The following DLGAP1 variants were observed in gnomAD, a reference collection of about 807,000 sequenced individuals.
DLGAP1 encodes the protein disks large-associated protein 1.
In DLGAP1, 11 loss-of-function variants were observed where a neutral mutation model predicts 90.8. That is an observed-to-expected ratio of 0.12 (90% CI 0.08 to 0.20). The LOEUF is 0.20. Among genes scored for constraint, DLGAP1 ranks in the 10% least tolerant of loss-of-function variants. DLGAP1 has a pLI of 1.00. For missense variants in DLGAP1, 1,050 were observed against 1,333.8 expected (o/e 0.79, Z 3.31); for synonymous variants, 558 against 540.7 (o/e 1.03, Z -0.44).
intron 7 of DLGAP1, among the ~76,000 whole-genome samples, chr18:3,637,574 CAAAAAAAA>C (rs35620201): frequency 2.1e-5 from 2 of 94,956 alleles, no homozygotes; most frequent in Admixed American, 2.4e-4. Flanking sequence ...TCTCCCCCAC[CAAAAAAAA>C]AAAAAAAAAA....
At chr18:4,264,425 T>A (rs147165045) in intron 1 of DLGAP1, among the ~76,000 whole-genome samples, 208 of 152,354 alleles carry the variant, frequency 1.4e-3, no homozygotes, top group Admixed American at 3.3e-3. Context: ...TTTCTCTTAA[T>A]CCTTGATGAT....
chr18:3,979,036 T>C (rs191070883), intron 3 of DLGAP1, among the ~76,000 whole-genome samples: 1 of 152,252 alleles, frequency 6.6e-6, no homozygotes, highest in East Asian at 1.9e-4. Flanking sequence ...ATATAAACAA[T>C]GGAACACTAC....
At chr18:4,060,428 C>A (rs920051089) in intron 2 of DLGAP1, among the ~76,000 whole-genome samples, 5 of 152,180 alleles carry the variant, frequency 3.3e-5, no homozygotes, top group African/African-American at 1.2e-4. Context: ...ATTCATCTTT[C>A]TCTCTGATAG....
rs530547295 is a variant in DLGAP1 at position 3,700,546 on chromosome 18, C to T, written c.1591+28589G>A. ...TCTGTGTTGATCTCACTGGGAGCTGCAGACTGGAGCTGTTCCTATTCAGCC... is the reference window on the plus strand; with the variant it reads ...TCTGTGTTGATCTCACTGGGAGCTGTAGACTGGAGCTGTTCCTATTCAGCC... On this transcript the variant is annotated intron_variant, in intron 7 of 12. Coordinates refer to ENST00000315677, the MANE Select transcript of DLGAP1 (RefSeq NM_004746.4). 3.0e-4 allele frequency among the ~76,000 whole-genome samples: 45 copies of T among 151,782 alleles called. No individual in the cohort carries two copies. The South Asian group carries it at 9.0e-3, about 30-fold the overall frequency.
chr18:4,044,917 T>A (rs1006641311), intron 2 of DLGAP1, among the ~76,000 whole-genome samples: 1 of 152,112 alleles, frequency 6.6e-6, no homozygotes, highest in Non-Finnish European at 1.5e-5. Context: ...CTTGTTGAAT[T>A]TTTTCATTCT....
intron 3 of DLGAP1, among the ~76,000 whole-genome samples, chr18:3,919,901 T>C (rs576672889): frequency 6.6e-6 from 1 of 152,256 alleles, no homozygotes; most frequent in Admixed American, 6.5e-5. Flanking sequence ...AGTGAACACA[T>C]AGCACTGTGA....
At chr18:4,299,104 A>AAAAAAAAAAAC (rs1555779074) in intron 1 of DLGAP1, among the ~76,000 whole-genome samples, 1 of 131,752 alleles carries the variant, frequency 7.6e-6, no homozygotes. Context: ...AAAAAAAAAA[A>AAAAAAAAAAAC]AAAAAATAGA....
At chr18:3,529,283 C>T (rs1356709402) in intron 10 of DLGAP1, among the ~76,000 whole-genome samples, 2 of 152,162 alleles carry the variant, frequency 1.3e-5, no homozygotes, top group Non-Finnish European at 2.9e-5. Context: ...CGTGAGGCTG[C>T]AGCAAGAAGG....
intron 7 of DLGAP1, among the ~76,000 whole-genome samples, chr18:3,601,078 A>G (rs1335523067): frequency 3.4e-5 from 5 of 149,160 alleles, no homozygotes; most frequent in African/African-American, 1.2e-4. Context: ...AGATATATAG[A>G]TAGATATATA....
chr18:4,359,711 G>A (rs139587645), intron 1 of DLGAP1, among the ~76,000 whole-genome samples: 1 of 152,280 alleles, frequency 6.6e-6, no homozygotes, highest in East Asian at 1.9e-4. Flanking sequence ...TAGATACGAT[G>A]GTGCCTTGGA....
chr18:4,195,687 G>A (rs1042000498), intron 1 of DLGAP1, among the ~76,000 whole-genome samples: 2 of 152,038 alleles, frequency 1.3e-5, no homozygotes, highest in Non-Finnish European at 2.9e-5. Context: ...GAGTAGCTGG[G>A]ATTACAGACA....
At chr18:4,339,921 A>C (rs1332359023) in intron 1 of DLGAP1, among the ~76,000 whole-genome samples, 1 of 152,170 alleles carries the variant, frequency 6.6e-6, no homozygotes, top group African/African-American at 2.4e-5. Context: ...AATTCTTTAA[A>C]CTACAAGATT....
intron 1 of DLGAP1, among the ~76,000 whole-genome samples, chr18:4,427,173 GGAGCA>G (rs1409587531): frequency 6.6e-6 from 1 of 152,194 alleles, no homozygotes; most frequent in Non-Finnish European, 1.5e-5. Flanking sequence ...TTAACCAAAT[GGAGCA>G]GAGAGACTGT....
chr18:4,385,262 T>C (rs2082207405), intron 1 of DLGAP1, among the ~76,000 whole-genome samples: 2 of 152,132 alleles, frequency 1.3e-5, no homozygotes, highest in South Asian at 4.1e-4. Context: ...ATATAGATTT[T>C]GAATAAAGAA....
chr18:3,589,566 T>C (rs922945269), intron 7 of DLGAP1, among the ~76,000 whole-genome samples: 1 of 152,122 alleles, frequency 6.6e-6, no homozygotes, highest in Non-Finnish European at 1.5e-5. Flanking sequence ...TAAACTTATA[T>C]ATAAATTAAA....
chr18:3,660,754 C>T lies in DLGAP1; in HGVS notation c.1591+68381G>A, dbSNP rs953505632. 7.2e-5 allele frequency among the ~76,000 whole-genome samples: 11 copies of T among 152,170 alleles called. No individual in the cohort carries two copies. Among genetic ancestry groups the T allele is most frequent in the Non-Finnish European group, 1.5e-5 (1 of 68,042 alleles). On this transcript the variant is annotated intron_variant, in intron 7 of 12. Coordinates refer to ENST00000315677, the MANE Select transcript of DLGAP1 (RefSeq NM_004746.4). The surrounding 1 kb of genome is among the most constrained non-coding windows in gnomAD (Gnocchi z 4.2). ...AGGTGTTTTAGGGTTCCAATATTGG[C>T]AAGGTATCTGACAAGTAAGTTTATT... is the stretch of plus-strand genomic sequence containing the variant.
chr18:3,572,136 T>A (rs376016089), intron 8 of DLGAP1, among the ~76,000 whole-genome samples: 3 of 146,048 alleles, frequency 2.1e-5, no homozygotes. Context: ...TGGAGTGCAA[T>A]GGCGCGATCT....
chr18:4,324,375 A>G (rs1437691193), intron 1 of DLGAP1, among the ~76,000 whole-genome samples: 1 of 151,514 alleles, frequency 6.6e-6, no homozygotes, highest in Non-Finnish European at 1.5e-5. Flanking sequence ...CAGTCATAAA[A>G]AGCCTACCAA....
At chr18:4,113,540 T>G (rs2076010105) in intron 2 of DLGAP1, among the ~76,000 whole-genome samples, 1 of 152,156 alleles carries the variant, frequency 6.6e-6, no homozygotes, top group Non-Finnish European at 1.5e-5. Flanking sequence ...ATGCATAGTT[T>G]GCAAATATTT....
Sources: gnomAD v4.1 joint callset for allele counts (sites outside exome capture counted in the v4.1 genomes callset) on GRCh38, gnomAD v4.1.1 for gene constraint, Gnocchi (gnomAD v3.1) non-coding constraint, MANE v1.5 for transcripts, NCBI Gene and HGNC (gene_info 2026-07-23, HGNC 2026-07-21) for gene names.